Variants in MORN3 observed in about 807,000 individuals in gnomAD.
MORN3 encodes the protein MORN repeat-containing protein 3.
Under a neutral mutation model 34.7 loss-of-function variants are expected in MORN3, and 38 were observed. The ratio of observed to expected loss-of-function variants is 1.10; its 90% CI spans 0.85 to 1.44. The LOEUF is 1.44. Ranked by LOEUF, MORN3 falls within the 40% of genes most tolerant of loss-of-function variation. The probability of loss-of-function intolerance (pLI) is 0.00; values close to 1 mark genes in which losing one functional copy is unlikely to be tolerated. For missense variants in MORN3, 311 were observed against 321.7 expected (o/e 0.97, Z 0.25); for synonymous variants, 109 against 115.3 (o/e 0.95, Z 0.35).
chr12:121,669,338 C>T lies in MORN3; in HGVS notation c.145+1G>A, dbSNP rs1268055261. 6.2e-7 allele frequency: 1 copy of T among 1,613,182 alleles called. No homozygotes were observed. Among genetic ancestry groups the T allele is most frequent in the Non-Finnish European group, 8.5e-7 (1 of 1,179,490 alleles). On this transcript the variant is annotated splice_donor_variant, in intron 1 of 5. Coordinates refer to ENST00000355329, the MANE Select transcript of MORN3 (RefSeq NM_173855.5). LOFTEE classifies it high-confidence loss of function. ...GCCGCCCGTCCCGGAGTCCCACTCA[C>T]CGTGTTTCACGTTGTCCTTCCACTC...
At chr12:121,665,961 T>G (rs918253251) in intron 1 of MORN3, among the ~76,000 whole-genome samples, 2 of 151,600 alleles carry the variant, frequency 1.3e-5, no homozygotes, top group Admixed American at 6.6e-5. Flanking sequence ...TAGAGAAAAT[T>G]TAATACAGGG....
intron 2 of MORN3, among the ~76,000 whole-genome samples, chr12:121,658,800 T>C (rs1243212248): frequency 6.6e-6 from 1 of 151,956 alleles, no homozygotes; most frequent in Non-Finnish European, 1.5e-5. Flanking sequence ...CCTGCTCTCT[T>C]GCTCCCACTT....
intron 1 of MORN3, among the ~76,000 whole-genome samples, chr12:121,664,902 C>T (rs1018866301): frequency 1.4e-5 from 2 of 139,764 alleles, no homozygotes; most frequent in Non-Finnish European, 3.0e-5. Context: ...CTGATGGATG[C>T]TCATGACTAT....
intron 1 of MORN3, among the ~76,000 whole-genome samples, chr12:121,664,939 C>T (rs1366116154): frequency 4.0e-5 from 6 of 149,794 alleles, no homozygotes; most frequent in African/African-American, 1.5e-4. Flanking sequence ...TTCAGTCTCT[C>T]CTACCGCAGG....
At chr12:121,662,744 GAA>G (rs538350611) in intron 1 of MORN3, among the ~76,000 whole-genome samples, 5 of 120,910 alleles carry the variant, frequency 4.1e-5, no homozygotes, top group Admixed American at 1.7e-4. Flanking sequence ...GAGTGAGACT[GAA>G]AAAAAAAAAA....
intron 1 of MORN3, among the ~76,000 whole-genome samples, chr12:121,662,479 G>A (rs1893611873): frequency 6.6e-6 from 1 of 151,928 alleles, no homozygotes; most frequent in South Asian, 2.1e-4. Flanking sequence ...AAACAGGTCG[G>A]GTGCGGTGGC....
intron 2 of MORN3, among the ~76,000 whole-genome samples, chr12:121,656,105 T>C (rs910004549): frequency 2.6e-5 from 4 of 152,088 alleles, no homozygotes; most frequent in Non-Finnish European, 5.9e-5. Context: ...CCCGAGGAGG[T>C]TGGGTTGAGA....
chr12:121,652,852 C>A (rs1555325233), intron 4 of MORN3, 44 bp from the exon 5 acceptor site: 1 of 1,599,942 alleles, frequency 6.3e-7, no homozygotes, highest in Non-Finnish European at 8.6e-7. Flanking sequence ...GCATGGAGGA[C>A]CCAGGCTGCC....
chr12:121,653,140 A>G lies in MORN3; in HGVS notation c.583T>C (p.Cys195Arg). The G allele has an allele frequency of 6.2e-7, 1 of 1,614,040 alleles. No homozygotes were observed. Among genetic ancestry groups the G allele is most frequent in the Non-Finnish European group, 8.5e-7 (1 of 1,180,002 alleles). ...CGGCCAAAGTCGATCATCGTCCCGC[A>G]TTTGGCCATATTGTCCACCCAGAAG... ...EGFWVDNMAK[C>R]GTMIDFGRDE... Residue 195 changes from cysteine to arginine, a missense_variant, in exon 4 of 6, where the codon TGC (cysteine) becomes CGC (arginine). Physicochemically the swap from Cys to Arg is radical, Grantham distance 180. Transcript: ENST00000355329.
upstream of MORN3, chr12:121,669,774 G>T: frequency 4.1e-6 from 1 of 241,120 alleles, no homozygotes; most frequent in Non-Finnish European, 8.3e-6. Flanking sequence ...TGGCATCAGG[G>T]AGAAGCTGCC....
intron 1 of MORN3, among the ~76,000 whole-genome samples, chr12:121,668,020 G>T (rs1419382656): frequency 6.6e-6 from 1 of 151,706 alleles, no homozygotes; most frequent in Non-Finnish European, 1.5e-5. Flanking sequence ...ACCACGCCCA[G>T]CCCCACCTGG....
chr12:121,653,186 G>A lies in MORN3; in HGVS notation c.537C>T (p.Asp179=). Residue 179 remains aspartate (D), a synonymous_variant, in exon 4 of 6, where the codon GAC becomes GAT. Coordinates refer to ENST00000355329, the MANE Select transcript of MORN3 (RefSeq NM_173855.5). ...KNGAGRFFHL[D]HGQLFEGFWV... ...AGAAGCCTTCAAACAGCTGGCCGTG[G>A]TCCAGATGGAAGAAACGCCCCGCCC... 6.2e-7 allele frequency: 1 copy of A among 1,614,204 alleles called. No individual in the cohort carries two copies. Among genetic ancestry groups the A allele is most frequent in the African/African-American group, 1.3e-5 (1 of 75,056 alleles).
intron 1 of MORN3, among the ~76,000 whole-genome samples, chr12:121,662,491 C>T (rs1893612401): frequency 2.0e-5 from 3 of 151,838 alleles, no homozygotes; most frequent in African/African-American, 7.3e-5. Context: ...TGCGGTGGCT[C>T]GTGTCTGTAA....
chr12:121,660,265 A>T (rs976322934), intron 1 of MORN3, among the ~76,000 whole-genome samples: 1 of 150,964 alleles, frequency 6.6e-6, no homozygotes, highest in Non-Finnish European at 1.5e-5. Context: ...TCAAAATCAA[A>T]CAAACAAACA....
intron 1 of MORN3, 138 bp downstream of exon 1, chr12:121,669,201 C>G (rs913698876): frequency 2.0e-5 from 23 of 1,151,948 alleles, no homozygotes; most frequent in Admixed American, 1.1e-4. Flanking sequence ...CCCAGCTGGC[C>G]TGGGCCAGCG....
intron 1 of MORN3, among the ~76,000 whole-genome samples, chr12:121,663,489 C>A (rs1392206730): frequency 6.6e-6 from 1 of 152,132 alleles, no homozygotes; most frequent in African/African-American, 2.4e-5. Context: ...TAAGCCACTG[C>A]GTCCGGCCTT....
chr12:121,660,773 A>G (rs1267259392), intron 1 of MORN3, among the ~76,000 whole-genome samples: 3 of 151,194 alleles, frequency 2.0e-5, no homozygotes, highest in African/African-American at 7.3e-5. Context: ...GGTACAAGCA[A>G]TTCTTCCACC....
chr12:121,670,779 A>G (rs1480898825), upstream of MORN3, among the ~76,000 whole-genome samples: 1 of 151,204 alleles, frequency 6.6e-6, no homozygotes, highest in Non-Finnish European at 1.5e-5. Context: ...ATTGCACTAC[A>G]GGTTGGGAGA....
chr12:121,663,759 AT>A (rs1433984814), intron 1 of MORN3, among the ~76,000 whole-genome samples: 1 of 149,828 alleles, frequency 6.7e-6, no homozygotes, highest in East Asian at 1.9e-4. Context: ...GGTTTTTTTT[AT>A]TTTTTTATTT....
Sources: gnomAD v4.1 joint callset for allele counts (sites outside exome capture counted in the v4.1 genomes callset) on GRCh38, gnomAD v4.1.1 for gene constraint, MANE v1.5 for transcripts, NCBI Gene and HGNC (gene_info 2026-07-23, HGNC 2026-07-21) for gene names.